The following SUGP1 variants were observed in gnomAD, a reference collection of about 807,000 sequenced individuals.
The protein encoded by SUGP1 is SURP and G-patch domain containing 1.
A neutral mutation model predicts 76.5 loss-of-function variants in SUGP1; 34 were observed. That is an observed-to-expected ratio of 0.44 (90% CI 0.34 to 0.59). The LOEUF (loss-of-function observed/expected upper bound fraction) is 0.59. Among genes scored for constraint, SUGP1 ranks in the 20% least tolerant of loss-of-function variants. The pLI, the probability that SUGP1 is intolerant of heterozygous loss-of-function variation, is 0.01. For synonymous variants in SUGP1, 326 were observed against 326.2 expected, an observed-to-expected ratio of 1.00 and a Z score of 0.01; for missense variants, 752 against 851.7, an observed-to-expected ratio of 0.88 and a Z score of 1.46.
chr19:19,319,377 C>T (rs1019135050), intron 1 of SUGP1, among the ~76,000 whole-genome samples: 1 of 151,968 alleles, frequency 6.6e-6, no homozygotes, highest in African/African-American at 2.4e-5. Flanking sequence ...GAAGGCTCCA[C>T]CCTCCAGGGA....
intron 3 of SUGP1, among the ~76,000 whole-genome samples, chr19:19,309,562 G>A (rs529817106): frequency 2.5e-4 from 38 of 152,106 alleles, no homozygotes; most frequent in Non-Finnish European, 4.4e-4. Context: ...GGCAGATCAC[G>A]AGGTCAGGAG....
At chr19:19,289,824 T>C (rs2061168175) in intron 8 of SUGP1, among the ~76,000 whole-genome samples, 1 of 152,110 alleles carries the variant, frequency 6.6e-6, no homozygotes, top group Non-Finnish European at 1.5e-5. Context: ...ACAGCAGAAC[T>C]CATGGAGGTT....
At chr19:19,315,882 T>C (rs1324594618) in intron 2 of SUGP1, among the ~76,000 whole-genome samples, 2 of 151,848 alleles carry the variant, frequency 1.3e-5, no homozygotes, top group African/African-American at 2.4e-5. Flanking sequence ...CCCAGGGTAG[T>C]GTACAGTGGC....
At chr19:19,318,618 C>T (rs2061412393) in intron 1 of SUGP1, among the ~76,000 whole-genome samples, 2 of 152,058 alleles carry the variant, frequency 1.3e-5, no homozygotes, top group African/African-American at 2.4e-5. Context: ...TTTGTAGAGA[C>T]AGGTTCTTGC....
chr19:19,303,914 T>C (rs1258900984), intron 4 of SUGP1, 67 bp from the exon 5 acceptor site: 2 of 1,608,488 alleles, frequency 1.2e-6, no homozygotes, highest in Non-Finnish European at 1.7e-6. Context: ...ACACTCTCTC[T>C]ATGGACCACA....
chr19:19,283,692 G>A (rs937193403), intron 8 of SUGP1, among the ~76,000 whole-genome samples: 10 of 152,252 alleles, frequency 6.6e-5, no homozygotes, highest in Admixed American at 3.9e-4. Flanking sequence ...TGACTTCATT[G>A]ATCCGCCCGC....
At chr19:19,306,105 C>A (rs552423292) in intron 3 of SUGP1, 29 bp from the exon 4 acceptor site, 1 of 1,511,238 alleles carries the variant, frequency 6.6e-7, no homozygotes, top group Admixed American at 2.2e-5. Context: ...TATGCGCACT[C>A]GGGATCTGCA....
chr19:19,301,577 T>A (rs533530620), intron 7 of SUGP1: 1 of 152,670 alleles, frequency 6.6e-6, no homozygotes, highest in Non-Finnish European at 1.5e-5. Context: ...ACTGATTGAG[T>A]CGGGGCTTGT....
chr19:19,288,431 A>G (rs2061157652), intron 8 of SUGP1, among the ~76,000 whole-genome samples: 1 of 152,202 alleles, frequency 6.6e-6, no homozygotes, highest in South Asian at 2.1e-4. Flanking sequence ...AAGCATGTTA[A>G]TCAACTGTTT....
intron 8 of SUGP1, among the ~76,000 whole-genome samples, chr19:19,286,071 G>A (rs762081678): frequency 6.6e-6 from 1 of 152,176 alleles, no homozygotes; most frequent in Non-Finnish European, 1.5e-5. Context: ...CTAACACTTT[G>A]AGAGGCCAAG....
intron 8 of SUGP1, among the ~76,000 whole-genome samples, chr19:19,289,579 C>T (rs2061166146): frequency 6.6e-6 from 1 of 152,100 alleles, no homozygotes; most frequent in Non-Finnish European, 1.5e-5. Context: ...GAAACCTCGT[C>T]TCTACTAAAA....
rs201451340 is a variant in SUGP1, at chr19:19,276,912, G to A, written c.1911+35C>T. On this transcript the variant is annotated intron_variant, in intron 13 of 13. Coordinates refer to ENST00000247001, the MANE Select transcript of SUGP1 (RefSeq NM_172231.4). ...GTTCCTACCACCACCCTCTCCTGTC[G>A]ACTGAGCAAAGGCAGCCCAGGAGGA... 1,210 of 1,610,788 alleles carry A rather than the reference G, an allele frequency of 7.5e-4. 2 individuals are homozygous for A. The highest frequency in any genetic ancestry group is 2.5e-3 in the Middle Eastern group (15 of 6,046).
chr19:19,300,108 C>T (rs1382784061), intron 7 of SUGP1, among the ~76,000 whole-genome samples: 3 of 150,516 alleles, frequency 2.0e-5, no homozygotes, highest in African/African-American at 4.9e-5. Flanking sequence ...TGGAGTCTTG[C>T]TCTGTCACCC....
At chr19:19,303,912 T>G in intron 4 of SUGP1, 65 bp from the exon 5 acceptor site, 2 of 1,609,004 alleles carry the variant, frequency 1.2e-6, no homozygotes, top group Non-Finnish European at 1.7e-6. Context: ...GCACACTCTC[T>G]CTATGGACCA....
chr19:19,309,785 G>T (rs895793109), intron 3 of SUGP1, among the ~76,000 whole-genome samples: 2 of 152,126 alleles, frequency 1.3e-5, no homozygotes, highest in African/African-American at 2.4e-5. Flanking sequence ...GGTGGCGGGC[G>T]TCTGTAGTCC....
At chr19:19,285,908 A>T (rs1369250587) in intron 8 of SUGP1, among the ~76,000 whole-genome samples, 1 of 152,172 alleles carries the variant, frequency 6.6e-6, no homozygotes, top group Non-Finnish European at 1.5e-5. Context: ...GTTTTGTGCA[A>T]ATGCAGTTGG....
At chr19:19,302,082 G>T (rs1303486759) in intron 7 of SUGP1, 183 bp downstream of exon 7, 4 of 889,602 alleles carry the variant, frequency 4.5e-6, no homozygotes, top group Non-Finnish European at 3.4e-6. Flanking sequence ...AGGGGTGCTG[G>T]TGTGTGCGTG....
chr19:19,286,728 T>A (rs28831146), intron 8 of SUGP1, among the ~76,000 whole-genome samples: 1 of 151,612 alleles, frequency 6.6e-6, no homozygotes, highest in South Asian at 2.1e-4. Context: ...TATAAAAAAA[T>A]AAAAATTAAA....
intron 6 of SUGP1, among the ~76,000 whole-genome samples, chr19:19,302,701 T>C (rs2061281859): frequency 6.6e-6 from 1 of 151,828 alleles, no homozygotes; most frequent in African/African-American, 2.4e-5. Flanking sequence ...CCAGGTCACA[T>C]GGTTAGGGGG....
Sources: gnomAD v4.1 joint callset for allele counts (sites outside exome capture counted in the v4.1 genomes callset) on GRCh38, gnomAD v4.1.1 for gene constraint, MANE v1.5 for transcripts, NCBI Gene and HGNC (gene_info 2026-07-23, HGNC 2026-07-21) for gene names.